Variants in PCDHA9 observed in about 807,000 individuals in gnomAD.
PCDHA9 encodes protocadherin alpha 9.
Under a neutral mutation model 62.0 loss-of-function variants are expected in PCDHA9, and 62 were observed. The ratio of observed to expected loss-of-function variants is 1.00; its 90% CI spans 0.81 to 1.23. The LOEUF (loss-of-function observed/expected upper bound fraction) is 1.23, where lower values mean the gene tolerates loss of function less well. Ranked by LOEUF, PCDHA9 falls within the 50% of genes most tolerant of loss-of-function variation. The probability of loss-of-function intolerance (pLI) is 0.00; values close to 1 mark genes in which losing one functional copy is unlikely to be tolerated. For missense variants in PCDHA9, 1,205 were observed against 1,249.8 expected (o/e 0.96, Z 0.54); for synonymous variants, 557 against 567.6 (o/e 0.98, Z 0.27).
intron 1 of PCDHA9, chr5:140,967,709 G>A (rs1554229820): frequency 3.1e-6 from 5 of 1,614,022 alleles, no homozygotes; most frequent in Admixed American, 3.3e-5. Flanking sequence ...TGCCAGTACC[G>A]GGGAAGTGCG....
Position 140,848,547 on chromosome 5 carries a change from C to G in PCDHA9, c.52C>G (p.Leu18Val). The G allele has an allele frequency of 6.3e-7, 1 of 1,595,512 alleles. No homozygotes were observed. Among genetic ancestry groups the G allele is most frequent in the Non-Finnish European group, 8.6e-7 (1 of 1,165,494 alleles). Residue 18 changes from leucine (L) to valine (V), a missense_variant, in exon 1 of 4, where the codon CTT (leucine) becomes GTT (valine). Leu to Val is a conservative substitution (Grantham distance 32). This residue lies in a region of PCDHA9 where 208 missense variants were observed against 213.2 expected (regional missense o/e 0.98). Coordinates refer to ENST00000532602, the MANE Select transcript of PCDHA9 (RefSeq NM_031857.2). ...AGAGGGTCAGCCTCTACTGCTCTCG[C>G]TTCTGATCCTCGCAATGTGGGTGGT... ...DPEGQPLLLSLLILAMWVVGS... is the reference protein window; with the variant it reads ...DPEGQPLLLSVLILAMWVVGS...
chr5:140,858,007 T>C lies in PCDHA9; in HGVS notation c.2394+7118T>C, dbSNP rs1383838363. 3.1e-6 allele frequency: 5 copies of C among 1,596,728 alleles called. 1 individual carries two copies. Among genetic ancestry groups the C allele is most frequent in the Admixed American group, 1.7e-5 (1 of 59,162 alleles). On this transcript the variant is annotated intron_variant, in intron 1 of 3. Coordinates refer to ENST00000532602, the MANE Select transcript of PCDHA9 (RefSeq NM_031857.2). ...GCCTACTGGTGCTGGTGAAGGACCA[T>C]GGCGAGCCGTCGCTGACGGCCACGG... is the stretch of plus-strand genomic sequence containing the variant.
intron 1 of PCDHA9, chr5:140,869,867 C>T (rs1554163562): frequency 6.2e-7 from 1 of 1,609,988 alleles, no homozygotes; most frequent in East Asian, 2.2e-5. Flanking sequence ...ATGGAAAATG[C>T]TGCTAAAGAA....
intron 3 of PCDHA9, among the ~76,000 whole-genome samples, chr5:140,995,275 A>G (rs1383239362): frequency 6.6e-6 from 1 of 152,146 alleles, no homozygotes; most frequent in African/African-American, 2.4e-5. Context: ...GCCCTTTGAT[A>G]CCAAAACAGC....
chr5:140,852,008 A>G (rs566042388), intron 1 of PCDHA9: 1 of 972,776 alleles, frequency 1.0e-6, no homozygotes, highest in South Asian at 4.8e-5. Flanking sequence ...TTTCTAATTT[A>G]TAGTTTTAAA....
At chr5:140,871,302 G>A in intron 1 of PCDHA9, 1 of 1,613,972 alleles carries the variant, frequency 6.2e-7, no homozygotes, top group Non-Finnish European at 8.5e-7. Context: ...CGTGCGCGCC[G>A]GGGAAGCCCA....
chr5:140,889,035 T>C (rs1554183751), intron 1 of PCDHA9, among the ~76,000 whole-genome samples: 2 of 152,104 alleles, frequency 1.3e-5, no homozygotes. Flanking sequence ...AACCGTAATT[T>C]GATTATAATT....
At chr5:140,875,538 A>C in intron 1 of PCDHA9, 17 of 1,614,126 alleles carry the variant, frequency 1.1e-5, no homozygotes, top group Non-Finnish European at 1.4e-5. Context: ...TGCTCCTTGC[A>C]GCCTGGGAGG....
intron 1 of PCDHA9, among the ~76,000 whole-genome samples, chr5:140,939,244 A>AG: frequency 6.6e-6 from 1 of 152,270 alleles, no homozygotes; most frequent in Admixed American, 6.5e-5. Flanking sequence ...GGAGCAAGGT[A>AG]GCTCTCTGGA....
At chr5:140,869,712 G>A in intron 1 of PCDHA9, 4 of 1,613,408 alleles carry the variant, frequency 2.5e-6, no homozygotes, top group South Asian at 1.1e-5. Context: ...TGGATAGAGA[G>A]AAAACTCCGG....
intron 1 of PCDHA9, among the ~76,000 whole-genome samples, chr5:140,889,697 A>G (rs920897018): frequency 4.6e-5 from 7 of 152,294 alleles, no homozygotes; most frequent in Middle Eastern, 3.4e-3. Flanking sequence ...TATTATGGGC[A>G]TATTCCACAA....
chr5:140,929,539 G>A (rs155821), intron 1 of PCDHA9: 194,060 of 591,620 alleles, frequency 0.33, 32,601 homozygotes, highest in East Asian at 0.49. Flanking sequence ...TGAGAAACAA[G>A]GGCAAAAATT....
chr5:140,985,650 A>G (rs2097162504), intron 3 of PCDHA9, among the ~76,000 whole-genome samples: 2 of 151,684 alleles, frequency 1.3e-5, no homozygotes, highest in South Asian at 4.2e-4. Context: ...AACACTTGCA[A>G]TGGCTGAATA....
At position 140,850,458 on chromosome 5, in the gene PCDHA9, G is replaced by T. The variant is rs150924900; in HGVS notation, c.1963G>T (p.Gly655Trp). 34 of 1,597,834 alleles carry T rather than the reference G, an allele frequency of 2.1e-5. 2 individuals carry two copies. In the African/African-American group the frequency reaches 4.4e-4, roughly 21 times the overall value. Residue 655 changes from glycine (G) to tryptophan (W), a missense_variant, in exon 1 of 4, where the codon GGG (glycine) becomes TGG (tryptophan). Gly to Trp is a radical substitution (Grantham distance 184). Transcript: ENST00000532602. ...QRLLVLVKDHGEPALTATATV... is the reference protein window; with the variant it reads ...QRLLVLVKDHWEPALTATATV... ...CCTACTGGTGCTGGTGAAAGACCAC[G>T]GGGAGCCAGCGCTGACGGCCACGGC...
intron 1 of PCDHA9, chr5:140,859,021 T>C (rs537770888): frequency 6.6e-6 from 1 of 151,436 alleles, no homozygotes; most frequent in Admixed American, 6.6e-5. Context: ...GCAATTAAGT[T>C]AAATGCTTTG....
At position 140,883,588 on chromosome 5, in the gene PCDHA9, C is replaced by A. The variant is rs781923113; in HGVS notation, c.2394+32699C>A. 5.6e-6 allele frequency: 9 copies of A among 1,613,794 alleles called. No homozygotes were observed. In the East Asian group the frequency reaches 6.7e-5, roughly 12 times the overall value. ...CGCCTTCGCTGTGGGCCACGGCCAG[C>A]GTGTCGGTGGGGGTGGCCGACGTGA... is the stretch of plus-strand genomic sequence containing the variant. On this transcript the variant is annotated intron_variant, in intron 1 of 3. Coordinates refer to ENST00000532602, the MANE Select transcript of PCDHA9 (RefSeq NM_031857.2).
chr5:140,949,068 CTT>C (rs1199095008), intron 1 of PCDHA9, among the ~76,000 whole-genome samples: 2 of 151,676 alleles, frequency 1.3e-5, no homozygotes, highest in African/African-American at 4.8e-5. Context: ...TGATTTAACT[CTT>C]TCACCCATTT....
intron 1 of PCDHA9, among the ~76,000 whole-genome samples, chr5:140,896,345 C>T (rs113477424): frequency 0.12 from 18,881 of 152,098 alleles, 1,242 homozygotes; most frequent in Middle Eastern, 0.19. Flanking sequence ...TTTATATTCC[C>T]GCCAGCAGTG....
At chr5:140,869,590 G>GAAGA in intron 1 of PCDHA9, 3 of 1,614,102 alleles carry the variant, frequency 1.9e-6, no homozygotes, top group Non-Finnish European at 2.5e-6. Context: ...TGCTGACATT[G>GAAGA]AAGAGAATGC....
Sources: gnomAD v4.1 joint callset for allele counts (sites outside exome capture counted in the v4.1 genomes callset) on GRCh38, gnomAD v4.1.1 for gene constraint, gnomAD v4.1.1 regional missense constraint, MANE v1.5 for transcripts, NCBI Gene and HGNC (gene_info 2026-07-23, HGNC 2026-07-21) for gene names.